RANBP2: variants seen among roughly 807,000 people sequenced by gnomAD.
RANBP2 encodes the protein E3 SUMO-protein ligase RanBP2.
In RANBP2, 57 loss-of-function variants were observed where a neutral mutation model predicts 303.6. That is an observed-to-expected ratio of 0.19 (90% CI 0.15 to 0.23). RANBP2 has a LOEUF of 0.23. Ranked by LOEUF, RANBP2 falls within the 10% of genes least tolerant of loss-of-function variation. The probability of loss-of-function intolerance (pLI) is 1.00; values close to 1 mark genes in which losing one functional copy is unlikely to be tolerated. For missense variants in RANBP2, 3,138 were observed against 3,780.8 expected (o/e 0.83, Z 4.46); for synonymous variants, 1,167 against 1,301.5 (o/e 0.90, Z 2.23).
At chr2:109,190,099 GGAT>G in the RANBP2 span, among the ~76,000 whole-genome samples, 1 of 152,182 alleles carries the variant, frequency 6.6e-6, no homozygotes, top group Non-Finnish European at 1.5e-5. Context: ...TGATCATATG[GGAT>G]GATTCTGTGT....
chr2:109,229,599 C>T, the RANBP2 span, among the ~76,000 whole-genome samples: 4 of 152,112 alleles, frequency 2.6e-5, no homozygotes, highest in Admixed American at 2.0e-4. Flanking sequence ...CACTCATGAG[C>T]AAGTTGTTCA....
At chr2:109,763,901 G>A in the RANBP2 span, among the ~76,000 whole-genome samples, 1 of 147,166 alleles carries the variant, frequency 6.8e-6, no homozygotes, top group Non-Finnish European at 1.5e-5. Context: ...CACAGAGAGT[G>A]TCCTCAAATG....
the RANBP2 span, among the ~76,000 whole-genome samples, chr2:108,886,738 T>TAA: frequency 5.3e-5 from 8 of 151,078 alleles, no homozygotes; most frequent in South Asian, 4.2e-4. Flanking sequence ...TAATGGGATT[T>TAA]AAAAAAAAAA....
At chr2:109,246,846 G>C in the RANBP2 span, among the ~76,000 whole-genome samples, 1 of 152,138 alleles carries the variant, frequency 6.6e-6, no homozygotes, top group Non-Finnish European at 1.5e-5. Flanking sequence ...TTGTGACAGC[G>C]ATGCTGGGGG....
the RANBP2 span, among the ~76,000 whole-genome samples, chr2:109,264,092 C>G: frequency 6.6e-6 from 1 of 152,254 alleles, no homozygotes; most frequent in Non-Finnish European, 1.5e-5. Context: ...AGCTACAGAT[C>G]TCAGTCTGTG....
chr2:108,751,765 C>A (rs1242957403), intron 11 of RANBP2, 62 bp downstream of exon 11: 1 of 1,611,710 alleles, frequency 6.2e-7, no homozygotes, highest in Non-Finnish European at 8.5e-7. Flanking sequence ...GGGATTTAAT[C>A]CTCATGTGAA....
chr2:109,090,310 T>TCACA, the RANBP2 span, among the ~76,000 whole-genome samples: 275 of 109,728 alleles, frequency 2.5e-3, 1 homozygote, highest in African/African-American at 9.7e-3. Flanking sequence ...ACACCTCGCC[T>TCACA]CACACACACA....
In RANBP2 at chr2:108,764,627, T is replaced by G. The variant is rs1676981553; in HGVS notation, c.4088T>G (p.Leu1363Ter). ...TGGTGGCATTGTAACAGCTGCTCAT[T>G]AAAGAATGCTTCAACTGCTAAGAAA... is the stretch of plus-strand genomic sequence containing the variant. ...GSWWHCNSCS[L>*]KNASTAKKCV... Residue 1363 changes from leucine to a stop codon, truncating the protein, a stop_gained, in exon 20 of 29, where the codon TTA (leucine) becomes TGA (stop). Coordinates refer to ENST00000283195, the MANE Select transcript of RANBP2 (RefSeq NM_006267.5). LOFTEE classifies it high-confidence loss of function. 6.2e-7 allele frequency: 1 copy of G among 1,614,010 alleles called. No homozygotes were observed. Among genetic ancestry groups the G allele is most frequent in the Non-Finnish European group, 8.5e-7 (1 of 1,179,938 alleles).
the RANBP2 span, among the ~76,000 whole-genome samples, chr2:109,365,051 A>AACAAACAAAC: frequency 6.6e-6 from 1 of 151,484 alleles, no homozygotes; most frequent in South Asian, 2.1e-4. Context: ...ACACACATAT[A>AACAAACAAAC]AAACAAACAA....
the RANBP2 span, among the ~76,000 whole-genome samples, chr2:109,045,394 G>A: frequency 6.1e-4 from 93 of 152,242 alleles, 2 homozygotes; most frequent in South Asian, 0.015. Flanking sequence ...CCCTTTTCCC[G>A]TAAGAGCTGG....
At chr2:108,781,186 T>TTAGA (rs1341400779) in intron 25 of RANBP2, 83 bp from the exon 26 acceptor site, 1 of 1,306,110 alleles carries the variant, frequency 7.7e-7, no homozygotes, top group East Asian at 2.3e-5. Flanking sequence ...TCATCAGGAA[T>TTAGA]TAGAGGGATT....
the RANBP2 span, among the ~76,000 whole-genome samples, chr2:108,797,825 G>A: frequency 4.1e-3 from 622 of 152,262 alleles, 7 homozygotes; most frequent in African/African-American, 0.014. Context: ...AATGGAGAAG[G>A]CTCAAAATAG....
the RANBP2 span, among the ~76,000 whole-genome samples, chr2:109,370,138 C>T: frequency 1.3e-5 from 2 of 152,132 alleles, no homozygotes; most frequent in Non-Finnish European, 2.9e-5. Flanking sequence ...AACAGAGGTT[C>T]GCCAAAGGCC....
the RANBP2 span, among the ~76,000 whole-genome samples, chr2:109,467,479 G>A: frequency 6.6e-6 from 1 of 152,222 alleles, no homozygotes; most frequent in African/African-American, 2.4e-5. Context: ...GGGACTGGAA[G>A]AAGCCCTGGA....
chr2:109,614,423 C>G, the RANBP2 span: 14 of 1,123,330 alleles, frequency 1.2e-5, no homozygotes, highest in African/African-American at 2.3e-4. Flanking sequence ...GGGAGCCGGC[C>G]GCTGGGAGCC....
the RANBP2 span, among the ~76,000 whole-genome samples, chr2:109,112,639 T>G: frequency 3.3e-5 from 5 of 151,874 alleles, no homozygotes; most frequent in Non-Finnish European, 7.4e-5. Context: ...TTAGTTTAAT[T>G]AGATCCCATT....
the RANBP2 span, among the ~76,000 whole-genome samples, chr2:109,399,414 A>G: frequency 1.3e-5 from 2 of 151,996 alleles, no homozygotes; most frequent in African/African-American, 2.4e-5. Flanking sequence ...TTGTTTCTAC[A>G]GATACCTTCT....
the RANBP2 span, among the ~76,000 whole-genome samples, chr2:108,820,699 C>CAAAAAAAAAAAAAAAA: frequency 9.6e-5 from 6 of 62,570 alleles, no homozygotes; most frequent in African/African-American, 2.1e-4. Context: ...ATTCAAAGTG[C>CAAAAAAAAAAAAAAAA]AAAAAAAAAA....
chr2:109,293,342 G>A, the RANBP2 span, among the ~76,000 whole-genome samples: 1 of 152,248 alleles, frequency 6.6e-6, no homozygotes, highest in Non-Finnish European at 1.5e-5. Context: ...GTGTCCATTT[G>A]TGTGTCATCA....
Sources: allele counts gnomAD v4.1 joint callset (sites outside exome capture counted in the v4.1 genomes callset), GRCh38; gene constraint gnomAD v4.1.1; transcripts MANE v1.5; gene names NCBI Gene and HGNC (gene_info 2026-07-23, HGNC 2026-07-21).